The following PALB2 variants were observed in gnomAD, a reference collection of about 807,000 sequenced individuals.
PALB2 encodes partner and localizer of BRCA2, also known as mutant partner and localizer of BRCA2.
Under a neutral mutation model 107.4 loss-of-function variants are expected in PALB2, and 82 were observed. The observed-to-expected ratio is 0.76, with a 90% CI of 0.64 to 0.92. The LOEUF (loss-of-function observed/expected upper bound fraction) is 0.92. Among genes scored for constraint, PALB2 ranks in the 40% least tolerant of loss-of-function variants. The pLI is 0.00. For missense variants in PALB2, 1,374 were observed against 1,379.9 expected (o/e 1.00, Z 0.07); for synonymous variants, 489 against 496.8 (o/e 0.98, Z 0.21).
intron 1 of PALB2, chr16:23,640,850 G>C: frequency 4.4e-6 from 2 of 449,572 alleles, no homozygotes; most frequent in African/African-American, 2.0e-5. Context: ...AGGAGCAAGG[G>C]TGTCGATACA....
chr16:23,629,504 A>G lies in PALB2; in HGVS notation c.2514+136T>C, dbSNP rs187008421. ...CCCCAGAATGAACTTAATGATTACA[A>G]TGAAATCATATCAAAGAAACACGTC... On this transcript the variant is annotated intron_variant, in intron 5 of 12. Coordinates refer to ENST00000261584, the MANE Select transcript of PALB2 (RefSeq NM_024675.4). 1,655 of 974,428 alleles carry G rather than the reference A, an allele frequency of 1.7e-3. 5 individuals carry two copies. Among genetic ancestry groups the G allele is most frequent in the Non-Finnish European group, 1.4e-3 (883 of 624,594 alleles). The allele number at this position is 974,428 out of a possible 1,614,324, so 60.4% of individuals were successfully genotyped here. A position where few individuals can be genotyped will look rare whatever the true frequency, so the allele number is the denominator to read the frequency against.
At chr16:23,619,296 T>A (rs1357455661) in intron 10 of PALB2, among the ~76,000 whole-genome samples, 1 of 152,214 alleles carries the variant, frequency 6.6e-6, no homozygotes, top group Non-Finnish European at 1.5e-5. Context: ...TGGGGACTCC[T>A]GTGATGGTTT....
chr16:23,631,958 C>T (rs1384314660), intron 4 of PALB2, among the ~76,000 whole-genome samples: 4 of 152,120 alleles, frequency 2.6e-5, no homozygotes, highest in African/African-American at 9.7e-5. Flanking sequence ...GCAATCCTCC[C>T]ACATCAGCCT....
chr16:23,610,157 A>G (rs888618830), intron 11 of PALB2, among the ~76,000 whole-genome samples: 1 of 152,178 alleles, frequency 6.6e-6, no homozygotes, highest in Non-Finnish European at 1.5e-5. Context: ...CATACAGTCT[A>G]TGGCTGATTT....
At chr16:23,629,325 T>C in intron 5 of PALB2, 50 bp from the exon 6 acceptor site, 1 of 1,458,074 alleles carries the variant, frequency 6.9e-7, no homozygotes, top group Non-Finnish European at 9.6e-7. Context: ...GTATAATGTC[T>C]GCCTGCATTA....
chr16:23,635,551 A>T lies in PALB2; in HGVS notation c.995T>A (p.Leu332His), dbSNP rs377149139. 1.3e-5 allele frequency: 21 copies of T among 1,612,968 alleles called. No individual in the cohort carries two copies. The highest frequency in any genetic ancestry group is 2.2e-5 in the South Asian group (2 of 91,000). The change falls in exon 4 of 13, where the codon CTC becomes CAC. Residue 332 changes from leucine (L) to histidine (H), a missense_variant. By Grantham distance (99) the Leu-to-His change is moderately conservative (BLOSUM62 -3). Coordinates refer to ENST00000261584, the MANE Select transcript of PALB2 (RefSeq NM_024675.4). ...ATTTGCTGGTAAGTTATTGTAGGTGAGTTCATTTAGAGAACATGAAATATT... is the reference window on the plus strand; with the variant it reads ...ATTTGCTGGTAAGTTATTGTAGGTGTGTTCATTTAGAGAACATGAAATATT... The part of the protein sequence containing the change: ...EANISCSLNE[L>H]TYNNLPANEN...
At chr16:23,609,135 AATTT>A (rs765775536) in intron 11 of PALB2, among the ~76,000 whole-genome samples, 4 of 152,188 alleles carry the variant, frequency 2.6e-5, no homozygotes, top group African/African-American at 9.7e-5. Flanking sequence ...CAAATGATTG[AATTT>A]ATTAATGAAA....
chr16:23,626,129 T>G (rs1966842103), intron 7 of PALB2, 107 bp downstream of exon 7: 1 of 1,302,178 alleles, frequency 7.7e-7, no homozygotes, highest in Non-Finnish European at 1.1e-6. Context: ...AAACCTCATC[T>G]CTGTTCTGCC....
intron 11 of PALB2, 56 bp from the exon 12 acceptor site, chr16:23,608,068 A>G: frequency 1.3e-6 from 2 of 1,569,968 alleles, no homozygotes. Flanking sequence ...ATGTCAGGAA[A>G]AATAAAGATC....
chr16:23,629,680 C>G lies in PALB2; in HGVS notation c.2474G>C (p.Arg825Thr), dbSNP rs146218439. 3.0e-5 allele frequency: 48 copies of G among 1,614,200 alleles called. No homozygotes were observed. The East Asian group carries it at 1.0e-3, about 34-fold the overall frequency. ...SFTFKENQLC[R>T]NTCQELHKHS... ...TTTATGCAGCTCCTGGCATGTGTTT[C>G]TACAGAGCTGATTTTCTTTAAAAGT... Residue 825 changes from arginine to threonine, a missense_variant, in exon 5 of 13, where the codon AGA becomes ACA. Physicochemically the swap from Arg to Thr is moderately conservative, Grantham distance 71. Coordinates refer to ENST00000261584, the MANE Select transcript of PALB2 (RefSeq NM_024675.4).
intron 7 of PALB2, among the ~76,000 whole-genome samples, chr16:23,624,492 G>C (rs770922368): frequency 1.3e-5 from 2 of 152,172 alleles, no homozygotes; most frequent in Non-Finnish European, 2.9e-5. Flanking sequence ...GTATATTCAA[G>C]TATGAAGACT....
At chr16:23,636,406 C>T (rs1967065339) in intron 3 of PALB2, 72 bp from the exon 4 acceptor site, 4 of 1,006,902 alleles carry the variant, frequency 4.0e-6, no homozygotes, top group Non-Finnish European at 4.3e-6. Context: ...CATTTTTAAC[C>T]TATTATATAT....
chr16:23,607,501 G>T, intron 12 of PALB2: 2 of 322,702 alleles, frequency 6.2e-6, no homozygotes, highest in Admixed American at 4.0e-5. Flanking sequence ...TTGCTCTGTT[G>T]TCCAAGTTGG....
chr16:23,619,001 C>G (rs1040597142), intron 10 of PALB2, among the ~76,000 whole-genome samples: 1 of 152,052 alleles, frequency 6.6e-6, no homozygotes, highest in Admixed American at 6.6e-5. Flanking sequence ...AAGGGCCATA[C>G]TTTTCTAGTT....
At chr16:23,630,543 A>T (rs2142392051) in intron 4 of PALB2, 74 bp from the exon 5 acceptor site, 1 of 1,156,850 alleles carries the variant, frequency 8.6e-7, no homozygotes, top group East Asian at 2.5e-5. Context: ...CTGATGACAA[A>T]GAGAATAGGA....
chr16:23,616,969 C>T (rs541499744), intron 10 of PALB2, among the ~76,000 whole-genome samples: 106 of 152,106 alleles, frequency 7.0e-4, no homozygotes, highest in African/African-American at 2.4e-3. Context: ...CCCACCACCA[C>T]GCCTGGCGAA....
intron 10 of PALB2, among the ~76,000 whole-genome samples, chr16:23,616,645 A>G (rs1966688773): frequency 6.6e-6 from 1 of 152,120 alleles, no homozygotes; most frequent in South Asian, 2.1e-4. Context: ...TCTCACAGAG[A>G]ATGGGACATA....
At chr16:23,615,954 G>A (rs1226421239) in intron 10 of PALB2, among the ~76,000 whole-genome samples, 8 of 152,278 alleles carry the variant, frequency 5.3e-5, no homozygotes, top group South Asian at 4.1e-4. Flanking sequence ...GTGAGCCACC[G>A]CGCCCGGTGG....
Position 23,641,129 on chromosome 16 carries a change from C to T in PALB2, c.29G>A (p.Ser10Asn). The T allele has an allele frequency of 1.2e-6, 2 of 1,613,562 alleles. No homozygotes were observed. The highest frequency in any genetic ancestry group is 1.7e-6 in the Non-Finnish European group (2 of 1,179,884). The change falls in exon 1 of 13, where the codon AGC (serine) becomes AAC (asparagine). Residue 10 changes from serine (S) to asparagine (N), a missense_variant. Coordinates refer to ENST00000261584, the MANE Select transcript of PALB2 (RefSeq NM_024675.4). The stretch of plus-strand genomic sequence containing the variant: ...CGGCACCTTTTCCTTCTCCTCACAG[C>T]TGAGGGGCTTCCCGGGAGGCTCGTC... Reference protein sequence around the residue: MDEPPGKPLSCEEKEKLKEK... With the variant: MDEPPGKPLNCEEKEKLKEK...
Sources: gnomAD v4.1 joint callset for allele counts (sites outside exome capture counted in the v4.1 genomes callset) on GRCh38, gnomAD v4.1.1 for gene constraint, MANE v1.5 for transcripts, NCBI Gene and HGNC (gene_info 2026-07-23, HGNC 2026-07-21) for gene names.